The following TEX36 variants were observed in gnomAD, a reference collection of about 807,000 sequenced individuals.
TEX36 encodes the protein testis-expressed protein 36.
In TEX36, 12 loss-of-function variants were observed where a neutral mutation model predicts 13.6. The observed-to-expected ratio is 0.88, with a 90% CI of 0.56 to 1.43. TEX36 has a LOEUF of 1.43. Among genes scored for constraint, TEX36 ranks in the 40% most tolerant of loss-of-function variants. The pLI, the probability that TEX36 is intolerant of heterozygous loss-of-function variation, is 0.00. For missense variants in TEX36, 224 were observed against 228.3 expected, an observed-to-expected ratio of 0.98 and a Z score of 0.12; for synonymous variants, 93 against 83.0, an observed-to-expected ratio of 1.12 and a Z score of -0.65.
intron 3 of TEX36, among the ~76,000 whole-genome samples, chr10:125,648,481 C>A (rs1164392083): frequency 6.6e-6 from 1 of 152,098 alleles, no homozygotes; most frequent in African/African-American, 2.4e-5. Flanking sequence ...GAAAGGACAT[C>A]CACAACAAAA....
chr10:125,673,252 G>A (rs1000454392), intron 1 of TEX36, among the ~76,000 whole-genome samples: 6 of 152,304 alleles, frequency 3.9e-5, no homozygotes, highest in Admixed American at 1.3e-4. Flanking sequence ...GCTGGTAATG[G>A]TTTTTCCTTT....
At chr10:125,645,064 C>T (rs1846747504) in intron 3 of TEX36, among the ~76,000 whole-genome samples, 1 of 152,136 alleles carries the variant, frequency 6.6e-6, no homozygotes, top group Non-Finnish European at 1.5e-5. Flanking sequence ...GAAAGAGAAC[C>T]CCTGGCATCT....
chr10:125,683,113 T>A lies in TEX36; in HGVS notation c.-124A>T. On this transcript the variant is annotated 5_prime_UTR_variant, in exon 1 of 4. The change creates a new upstream start codon in the 5' untranslated region. Transcript: ENST00000368821. ...ACGTCTGGGAAGCTCCTCCTCCTCC[T>A]TGTTCCTGATCTTTACTTCTCAGCC... 1 of 1,095,756 alleles carries A rather than the reference T, an allele frequency of 9.1e-7. No individual in the cohort carries two copies. The highest frequency in any genetic ancestry group is 2.0e-5 in the Admixed American group (1 of 49,896). 67.9% of individuals were successfully genotyped at this position (1,095,756 alleles called of 1,614,324 possible).
intron 3 of TEX36, among the ~76,000 whole-genome samples, chr10:125,647,881 C>G (rs888662372): frequency 1.2e-4 from 18 of 152,198 alleles, no homozygotes; most frequent in African/African-American, 4.3e-4. Flanking sequence ...CAGAGGGTCC[C>G]ACGCCCACAG....
downstream of TEX36, among the ~76,000 whole-genome samples, chr10:125,655,489 T>TCTAC (rs1846924145): frequency 1.3e-5 from 2 of 152,152 alleles, no homozygotes; most frequent in African/African-American, 4.8e-5. Flanking sequence ...TGTAACATAG[T>TCTAC]AATGTTGAAA....
intron 3 of TEX36, among the ~76,000 whole-genome samples, chr10:125,592,417 G>A (rs550468949): frequency 2.0e-5 from 3 of 151,996 alleles, no homozygotes; most frequent in Non-Finnish European, 4.4e-5. Context: ...TTCTCTGCTT[G>A]TATAGAATGT....
At chr10:125,647,124 T>A (rs1403688434) in intron 3 of TEX36, among the ~76,000 whole-genome samples, 2 of 152,206 alleles carry the variant, frequency 1.3e-5, no homozygotes, top group African/African-American at 2.4e-5. Context: ...TCCATTGATA[T>A]ACCTTATTAT....
At chr10:125,590,874 G>A (rs936648582) in intron 3 of TEX36, among the ~76,000 whole-genome samples, 2 of 152,130 alleles carry the variant, frequency 1.3e-5, no homozygotes, top group South Asian at 4.1e-4. Flanking sequence ...TATTATGCAA[G>A]CAGGAGTTAC....
chr10:125,644,803 G>A (rs540302144), intron 3 of TEX36, among the ~76,000 whole-genome samples: 1 of 152,320 alleles, frequency 6.6e-6, no homozygotes, highest in East Asian at 1.9e-4. Flanking sequence ...CTTAAAATAT[G>A]AAGGTTATCC....
chr10:125,596,536 G>A (rs1232137719), intron 3 of TEX36, among the ~76,000 whole-genome samples: 2 of 152,186 alleles, frequency 1.3e-5, no homozygotes, highest in Non-Finnish European at 2.9e-5. Flanking sequence ...GCACAGCCTG[G>A]TTGATACCTT....
chr10:125,589,038 T>C (rs576369293), intron 3 of TEX36, among the ~76,000 whole-genome samples: 9 of 152,344 alleles, frequency 5.9e-5, no homozygotes, highest in East Asian at 1.9e-4. Context: ...CCTCCAACGC[T>C]GGGGGTACCT....
intron 3 of TEX36, chr10:125,576,999 G>A: frequency 7.8e-7 from 1 of 1,275,584 alleles, no homozygotes; most frequent in Non-Finnish European, 1.1e-6. Context: ...CCCCAGAGAA[G>A]GATTTAGTGA....
chr10:125,671,734 G>A (rs1051454175), intron 1 of TEX36, among the ~76,000 whole-genome samples: 5 of 152,180 alleles, frequency 3.3e-5, no homozygotes, highest in Non-Finnish European at 5.9e-5. Flanking sequence ...ACCTCTGGTA[G>A]AATTCAGCTG....
intron 1 of TEX36, among the ~76,000 whole-genome samples, chr10:125,678,095 A>T (rs1362408896): frequency 1.3e-5 from 2 of 151,962 alleles, no homozygotes; most frequent in South Asian, 2.1e-4. Context: ...TTGCTTTTTC[A>T]TGTTTATTCT....
chr10:125,653,631 TATA>T (rs913162087), downstream of TEX36, among the ~76,000 whole-genome samples: 2 of 151,740 alleles, frequency 1.3e-5, no homozygotes, highest in Non-Finnish European at 2.9e-5. Flanking sequence ...GAACTTAAAG[TATA>T]ATAATAATAA....
At position 125,655,715 on chromosome 10, in the gene TEX36, T is replaced by C. The variant is rs916137127; in HGVS notation, c.*185A>G. On this transcript the variant is annotated 3_prime_UTR_variant, in exon 4 of 4. Coordinates refer to ENST00000368821, the MANE Select transcript of TEX36 (RefSeq NM_001128202.3). ...AAAGTAAATGTGGCCATCTGAAAAG[T>C]TTATTTACACATGCGTATGTCATCA... 1 of 1,268,276 alleles carries C rather than the reference T, an allele frequency of 7.9e-7. No homozygotes were observed. Among genetic ancestry groups the C allele is most frequent in the Admixed American group, 3.8e-5 (1 of 26,350 alleles). The allele number at this position is 1,268,276 out of a possible 1,614,324, so 78.6% of individuals were successfully genotyped here.
downstream of TEX36, among the ~76,000 whole-genome samples, chr10:125,618,909 A>C (rs2133557925): frequency 7.1e-6 from 1 of 140,864 alleles, no homozygotes; most frequent in Non-Finnish European, 1.5e-5. Flanking sequence ...GATCGAGACC[A>C]TCCTGGCTAA....
intron 1 of TEX36, among the ~76,000 whole-genome samples, chr10:125,669,992 A>G (rs889189659): frequency 3.9e-5 from 6 of 152,188 alleles, no homozygotes; most frequent in African/African-American, 1.4e-4. Flanking sequence ...TATCCAGTCT[A>G]TCATTGATGG....
At chr10:125,662,945 A>T (rs939088092) in intron 1 of TEX36, among the ~76,000 whole-genome samples, 14 of 152,184 alleles carry the variant, frequency 9.2e-5, no homozygotes, top group African/African-American at 3.4e-4. Context: ...CACCCCAACA[A>T]AGTGAGCTCT....
Sources: allele counts gnomAD v4.1 joint callset (sites outside exome capture counted in the v4.1 genomes callset), GRCh38; gene constraint gnomAD v4.1.1; transcripts MANE v1.5; gene names NCBI Gene and HGNC (gene_info 2026-07-23, HGNC 2026-07-21).